The following PDXDC1 variants were observed in gnomAD, a reference collection of about 807,000 sequenced individuals.
The protein encoded by PDXDC1 is pyridoxal dependent decarboxylase domain containing 1, also known as pyridoxal-dependent decarboxylase domain-containing protein 1.
Under a neutral mutation model 100.1 loss-of-function variants are expected in PDXDC1, and 42 were observed. The observed-to-expected ratio is 0.42, with a 90% confidence interval of 0.33 to 0.54. The LOEUF is 0.54. Among genes scored for constraint, PDXDC1 ranks in the 20% least tolerant of loss-of-function variants. PDXDC1 has a pLI of 0.10. For synonymous variants in PDXDC1, 260 were observed against 371.7 expected (o/e 0.70, Z 3.46); for missense variants, 636 against 979.2 (o/e 0.65, Z 4.68).
Position 15,127,063 on chromosome 16 carries a change from T to C in PDXDC1, c.1400-11816T>C, listed in dbSNP as rs369249591. 489 of 353,446 alleles carry C rather than the reference T, an allele frequency of 1.4e-3. 2 individuals are homozygous for C. The highest frequency in any genetic ancestry group is 4.2e-3 in the East Asian group (57 of 13,452). The allele number at this position is 353,446 out of a possible 1,614,324, so 21.9% of individuals were successfully genotyped here. On this transcript the variant is annotated intron_variant, in intron 16 of 16. Transcript: ENST00000535621. ...TCGGCCTCCTGAAGTGTTGGGATTATAGGCGTGAGCCACCACACCCGGCCC... is the reference window on the plus strand; with the variant it reads ...TCGGCCTCCTGAAGTGTTGGGATTACAGGCGTGAGCCACCACACCCGGCCC...
chr16:15,127,088 C>T (rs373580375), intron 16 of PDXDC1: 41 of 355,142 alleles, frequency 1.2e-4, no homozygotes, highest in Middle Eastern at 1.0e-3. Context: ...ACACCCGGCC[C>T]GGCCACTGGG....
At chr16:15,117,454 G>A (rs1428510255) in intron 16 of PDXDC1, among the ~76,000 whole-genome samples, 2 of 149,186 alleles carry the variant, frequency 1.3e-5, no homozygotes, top group African/African-American at 2.5e-5. Context: ...GTCAAGAGAT[G>A]GAGACTATCC....
intron 4 of PDXDC1, among the ~76,000 whole-genome samples, chr16:15,003,175 A>G (rs573102344): frequency 6.8e-4 from 104 of 152,096 alleles, no homozygotes; most frequent in Admixed American, 5.5e-3. Context: ...TATTATTGCA[A>G]TAAATAATTC....
chr16:15,130,034 G>C (rs1353810114), intron 16 of PDXDC1: 1 of 1,181,166 alleles, frequency 8.5e-7, no homozygotes, highest in Non-Finnish European at 1.2e-6. Context: ...CAGGCACACA[G>C]CACATGTCAG....
intron 16 of PDXDC1, among the ~76,000 whole-genome samples, chr16:15,063,958 G>A (rs540675618): frequency 3.9e-5 from 6 of 151,986 alleles, no homozygotes; most frequent in African/African-American, 1.5e-4. Flanking sequence ...TTATATTTCT[G>A]TAGTAATTTG....
chr16:14,977,457 C>T (rs1355572297), intron 1 of PDXDC1, among the ~76,000 whole-genome samples: 1 of 152,194 alleles, frequency 6.6e-6, no homozygotes, highest in Non-Finnish European at 1.5e-5. Flanking sequence ...TTTTTGTATT[C>T]CCAGTAGAGA....
chr16:15,084,822 T>A, intron 16 of PDXDC1: 1 of 754,596 alleles, frequency 1.3e-6, no homozygotes, highest in South Asian at 1.5e-5. Flanking sequence ...TCCCAGCACT[T>A]TGGGAGGCCG....
intron 16 of PDXDC1, chr16:15,061,929 A>G (rs2044730579): frequency 1.3e-6 from 2 of 1,598,102 alleles, no homozygotes; most frequent in African/African-American, 1.3e-5. Context: ...AGAAATCATC[A>G]GTAACATCAC....
intron 16 of PDXDC1, chr16:15,045,902 C>T (rs1020508955): frequency 6.6e-6 from 1 of 152,218 alleles, no homozygotes; most frequent in African/African-American, 2.4e-5. Context: ...ACATAGGGCA[C>T]AGCCTCAAGG....
At chr16:14,997,677 A>AT (rs1972282652) in intron 1 of PDXDC1, 76 bp from the exon 2 acceptor site, 1 of 1,432,548 alleles carries the variant, frequency 7.0e-7, no homozygotes. Flanking sequence ...TATGCACTTA[A>AT]TTTTTCTGGG....
At chr16:15,018,593 G>T (rs539264760) in intron 11 of PDXDC1, among the ~76,000 whole-genome samples, 80 of 152,358 alleles carry the variant, frequency 5.3e-4, no homozygotes, top group African/African-American at 1.7e-3. Context: ...GACCCATCTG[G>T]GTTTTCCACT....
intron 16 of PDXDC1, chr16:15,094,242 A>G: frequency 1.9e-6 from 3 of 1,570,894 alleles, no homozygotes; most frequent in Non-Finnish European, 2.6e-6. Flanking sequence ...ATTGGGCCGA[A>G]CTAACGCGAC....
intron 1 of PDXDC1, among the ~76,000 whole-genome samples, chr16:14,994,439 C>G (rs1274192014): frequency 6.6e-6 from 1 of 152,290 alleles, no homozygotes; most frequent in East Asian, 1.9e-4. Context: ...TGCCAAAGAT[C>G]AGATAGTTGT....
downstream of PDXDC1, among the ~76,000 whole-genome samples, chr16:15,039,318 C>A (rs1164649888): frequency 1.3e-5 from 2 of 152,208 alleles, no homozygotes; most frequent in Non-Finnish European, 2.9e-5. Context: ...AATCCAAACA[C>A]ATTTCCCAGT....
At chr16:15,131,541 C>T (rs1486444816) in intron 16 of PDXDC1, 3 of 1,609,654 alleles carry the variant, frequency 1.9e-6, no homozygotes, top group East Asian at 2.2e-5. Flanking sequence ...CCTCGCCCGC[C>T]AGTGTCAGGG....
intron 16 of PDXDC1, chr16:15,044,261 G>A: frequency 9.5e-7 from 1 of 1,051,632 alleles, no homozygotes; most frequent in Non-Finnish European, 1.5e-6. Flanking sequence ...TACCAATTGG[G>A]ATTTTTAACC....
chr16:15,001,807 G>C lies in PDXDC1; in HGVS notation c.193G>C (p.Val65Leu), dbSNP rs139397387. The change falls in exon 4 of 23, where the codon GTT becomes CTT. Residue 65 changes from valine to leucine, a missense_variant. Val to Leu is a conservative substitution (Grantham distance 32). Around this residue, in one of 4 missense-constraint regions of PDXDC1, gnomAD observed 125 missense variants for 479.9 expected, o/e 0.26. Transcript: ENST00000396410. ...GQDMVSILQL[V>L]QNLMHGDEDE... ...AGATATGGTGAGCATCCTCCAGTTA[G>C]TTCAGAATCTCATGCATGGAGATGA... is the stretch of plus-strand genomic sequence containing the variant. 212 of 1,611,256 alleles carry C rather than the reference G, an allele frequency of 1.3e-4. No individual in the cohort carries two copies. The highest frequency in any genetic ancestry group is 1.7e-4 in the Non-Finnish European group (202 of 1,179,738).
chr16:15,064,000 CT>C (rs1381738423), intron 16 of PDXDC1, among the ~76,000 whole-genome samples: 1 of 152,186 alleles, frequency 6.6e-6, no homozygotes, highest in Admixed American at 6.5e-5. Flanking sequence ...AACAACTAAT[CT>C]GGTTTCAGTC....
At chr16:15,005,654 A>T (rs1335311898) in intron 5 of PDXDC1, among the ~76,000 whole-genome samples, 4 of 152,280 alleles carry the variant, frequency 2.6e-5, no homozygotes, top group Non-Finnish European at 4.4e-5. Context: ...CTCCTCTAGG[A>T]GATGGAGCCT....
Sources: gnomAD v4.1 joint callset for allele counts (sites outside exome capture counted in the v4.1 genomes callset) on GRCh38, gnomAD v4.1.1 for gene constraint, gnomAD v4.1.1 regional missense constraint, MANE v1.5 for transcripts, NCBI Gene and HGNC (gene_info 2026-07-23, HGNC 2026-07-21) for gene names.